GALNT14: variants seen among roughly 807,000 people sequenced by gnomAD.
The protein encoded by GALNT14 is UDP-GalNAc:polypeptide N-acetylgalactosaminyltransferase 14.
In GALNT14, 60 loss-of-function variants were observed where a neutral mutation model predicts 77.5. That is an observed-to-expected ratio of 0.77 (90% CI 0.63 to 0.96). The LOEUF is 0.96. Among genes scored for constraint, GALNT14 ranks in the 40% least tolerant of loss-of-function variants. The pLI is 0.00. For synonymous variants in GALNT14, 280 were observed against 281.7 expected, an observed-to-expected ratio of 0.99 and a Z score of 0.06; for missense variants, 710 against 731.0, an observed-to-expected ratio of 0.97 and a Z score of 0.33.
chr2:30,903,586 T>A, the GALNT14 span, among the ~76,000 whole-genome samples: 1 of 152,232 alleles, frequency 6.6e-6, no homozygotes, highest in African/African-American at 2.4e-5. Flanking sequence ...TGCCAACAAC[T>A]GCTGAGTGAG....
chr2:31,125,284 T>C, intron 1 of GALNT14: 1 of 1,480,528 alleles, frequency 6.8e-7, no homozygotes. Flanking sequence ...AAGAGCAACA[T>C]GGTCATTTCT....
intron 1 of GALNT14, among the ~76,000 whole-genome samples, chr2:31,049,162 T>C (rs1673679319): frequency 6.6e-6 from 1 of 152,206 alleles, no homozygotes; most frequent in Admixed American, 6.5e-5. Context: ...AGTCCTCATC[T>C]GCTCTACTAC....
rs755696793 is a variant in GALNT14, at chr2:30,958,443, C to A, written c.420G>T (p.Thr140=). 2 of 1,613,932 alleles carry A rather than the reference C, an allele frequency of 1.2e-6. No individual in the cohort carries two copies. Among genetic ancestry groups the A allele is most frequent in the Non-Finnish European group, 1.7e-6 (2 of 1,179,914 alleles). ...TIRSVLNRTP[T]HLIREIILVD... ...CTAATATGATTTCCCGGATCAGATG[C>A]GTAGGGGTGCGGTTTAATACACTGC... Residue 140 remains threonine, a synonymous_variant, in exon 4 of 15, where the codon ACG becomes ACT. Coordinates refer to ENST00000349752, the MANE Select transcript of GALNT14 (RefSeq NM_024572.4).
At position 31,019,341 on chromosome 2, in the gene GALNT14, C is replaced by T. The variant is rs4305316; in HGVS notation, c.130-26334G>A. The stretch of plus-strand genomic sequence containing the variant: ...CAGAGTTTATTTTGAGTGGGTTTTG[C>T]TTTAATTTTCATTTGAAAGGAAGCC... On this transcript the variant is annotated intron_variant, in intron 1 of 14. Transcript: ENST00000349752. Among the ~76,000 whole-genome samples, 147 of 152,220 alleles carry T rather than the reference C, an allele frequency of 9.7e-4. 3 individuals carry two copies. In the South Asian group the frequency reaches 0.02, roughly 21 times the overall value.
At chr2:31,101,043 T>C (rs1024316630) in intron 1 of GALNT14, among the ~76,000 whole-genome samples, 1 of 152,090 alleles carries the variant, frequency 6.6e-6, no homozygotes, top group Non-Finnish European at 1.5e-5. Context: ...TTTACCATAA[T>C]AAAATCAAAA....
chr2:31,091,956 G>C (rs1676765355), intron 1 of GALNT14, among the ~76,000 whole-genome samples: 1 of 152,074 alleles, frequency 6.6e-6, no homozygotes, highest in African/African-American at 2.4e-5. Flanking sequence ...GAATAAACCA[G>C]GCAGAAGAAG....
At chr2:31,055,026 G>A (rs989738752) in intron 1 of GALNT14, among the ~76,000 whole-genome samples, 14 of 152,248 alleles carry the variant, frequency 9.2e-5, no homozygotes, top group African/African-American at 1.7e-4. Context: ...GAGGAAACCC[G>A]GGCCAGAGTT....
chr2:31,052,185 C>G (rs943647608), intron 1 of GALNT14, among the ~76,000 whole-genome samples: 5 of 152,136 alleles, frequency 3.3e-5, no homozygotes, highest in African/African-American at 1.2e-4. Context: ...CCCCCTACCC[C>G]CTCCCGTGGA....
chr2:30,902,889 A>G, the GALNT14 span, among the ~76,000 whole-genome samples: 1 of 152,160 alleles, frequency 6.6e-6, no homozygotes, highest in Non-Finnish European at 1.5e-5. Context: ...GTTTCACTAC[A>G]TAGGAGAGAG....
chr2:30,950,865 T>G (rs374595751), intron 6 of GALNT14, among the ~76,000 whole-genome samples: 15 of 152,240 alleles, frequency 9.9e-5, no homozygotes, highest in African/African-American at 3.6e-4. Context: ...TGGCCATGGA[T>G]GTAGAAAGGA....
chr2:31,043,226 C>T (rs547961632), intron 1 of GALNT14, among the ~76,000 whole-genome samples: 2 of 152,298 alleles, frequency 1.3e-5, no homozygotes, highest in South Asian at 4.1e-4. Flanking sequence ...CTCACTTTCT[C>T]ACTCACCCCC....
rs984198596 is a variant in GALNT14, at chr2:31,024,866, G to A, written c.130-31859C>T. On this transcript the variant is annotated intron_variant, in intron 1 of 14. Coordinates refer to ENST00000349752, the MANE Select transcript of GALNT14 (RefSeq NM_024572.4). ...AAAAATTCTAAGTGTGACCCCACAC[G>A]GCAGGGCTCTAGGACCATGAGCTGG... Among the ~76,000 whole-genome samples, 23 of 152,202 alleles carry A rather than the reference G, an allele frequency of 1.5e-4. 1 individual carries two copies. Among genetic ancestry groups the A allele is most frequent in the African/African-American group, 4.1e-4 (17 of 41,518 alleles).
chr2:31,046,475 G>A (rs928655347), intron 1 of GALNT14, among the ~76,000 whole-genome samples: 2 of 152,104 alleles, frequency 1.3e-5, no homozygotes, highest in African/African-American at 2.4e-5. Flanking sequence ...TGATCCACCC[G>A]CCTCGGCATC....
chr2:30,919,189 G>A (rs1054877992), intron 13 of GALNT14, among the ~76,000 whole-genome samples: 1 of 136,776 alleles, frequency 7.3e-6, no homozygotes, highest in Non-Finnish European at 1.6e-5. Context: ...ATAAAGTTAA[G>A]AGGAAACTTG....
chr2:30,928,536 G>A (rs1295626488), intron 11 of GALNT14, among the ~76,000 whole-genome samples: 3 of 152,090 alleles, frequency 2.0e-5, no homozygotes, highest in African/African-American at 4.8e-5. Context: ...GAGTCATTAC[G>A]CCCATTCCTC....
At chr2:31,077,451 C>T (rs1326928742) in intron 1 of GALNT14, among the ~76,000 whole-genome samples, 1 of 152,134 alleles carries the variant, frequency 6.6e-6, no homozygotes, top group African/African-American at 2.4e-5. Context: ...GTCCTTTTCC[C>T]TTCAATTACC....
chr2:31,038,863 G>A (rs899362614), intron 1 of GALNT14, among the ~76,000 whole-genome samples: 3 of 151,204 alleles, frequency 2.0e-5, no homozygotes, highest in Non-Finnish European at 4.4e-5. Context: ...CTCATGCCTC[G>A]GCCTCCCAAG....
At chr2:30,921,979 G>A (rs1665060208) in intron 13 of GALNT14, among the ~76,000 whole-genome samples, 1 of 152,176 alleles carries the variant, frequency 6.6e-6, no homozygotes, top group South Asian at 2.1e-4. Flanking sequence ...CTAGCATGAA[G>A]AAGTGAACAT....
intron 1 of GALNT14, among the ~76,000 whole-genome samples, chr2:31,053,788 G>A (rs996273418): frequency 1.3e-5 from 2 of 152,158 alleles, no homozygotes; most frequent in Admixed American, 1.3e-4. Flanking sequence ...TTTCTAACGA[G>A]AGACATAGCA....
Sources: gnomAD v4.1 joint callset for allele counts (sites outside exome capture counted in the v4.1 genomes callset) on GRCh38, gnomAD v4.1.1 for gene constraint, MANE v1.5 for transcripts, NCBI Gene and HGNC (gene_info 2026-07-23, HGNC 2026-07-21) for gene names.